STIM2: variants seen among roughly 807,000 people sequenced by gnomAD.
STIM2 encodes stromal interaction molecule 2.
STIM2 carries 31 observed loss-of-function variants against 85.8 expected under a neutral mutation model. The ratio of observed to expected loss-of-function variants is 0.36; its 90% CI spans 0.27 to 0.49. The LOEUF (loss-of-function observed/expected upper bound fraction) is 0.49, where lower values mean the gene tolerates loss of function less well. STIM2 is among the 20% of genes least tolerant of loss of function. The probability of loss-of-function intolerance (pLI) is 0.98; values close to 1 mark genes in which losing one functional copy is unlikely to be tolerated. For missense variants in STIM2, 841 were observed against 927.6 expected (o/e 0.91, Z 1.21); for synonymous variants, 356 against 331.1 (o/e 1.08, Z -0.82).
chr4:26,977,929 C>T lies in STIM2; in HGVS notation c.398-17450C>T, dbSNP rs375391552. Among the ~76,000 whole-genome samples, 18 of 152,204 alleles carry T rather than the reference C, an allele frequency of 1.2e-4. No homozygotes were observed. The East Asian group carries it at 1.9e-3, about 16-fold the overall frequency. ...AGCCAGGAGAATGTGGGGACCTAGA[C>T]GCTTAGTGAAGAAAGCATTTTAAGA... On this transcript the variant is annotated intron_variant, in intron 3 of 11. Coordinates refer to ENST00000467087, the MANE Select transcript of STIM2 (RefSeq NM_020860.4).
At chr4:26,974,478 A>G (rs540374767) in intron 3 of STIM2, among the ~76,000 whole-genome samples, 370 of 152,150 alleles carry the variant, frequency 2.4e-3, no homozygotes, top group Non-Finnish European at 3.7e-3. Context: ...AAAGGATTTT[A>G]TTTCTCCTTC....
At chr4:26,966,196 C>T (rs1726709814) in intron 3 of STIM2, among the ~76,000 whole-genome samples, 1 of 152,086 alleles carries the variant, frequency 6.6e-6, no homozygotes, top group Admixed American at 6.6e-5. Flanking sequence ...ATCTAGGAAA[C>T]AGTAGCCTTT....
At chr4:27,021,159 T>C (rs1200872667) in intron 11 of STIM2, 16 of 1,211,882 alleles carry the variant, frequency 1.3e-5, no homozygotes, top group Non-Finnish European at 1.9e-5. Flanking sequence ...AACACATTTT[T>C]ATGAAGTACC....
intron 3 of STIM2, among the ~76,000 whole-genome samples, chr4:26,966,021 ATTGT>A (rs1231059145): frequency 6.6e-6 from 1 of 152,090 alleles, no homozygotes; most frequent in South Asian, 2.1e-4. Context: ...CTATTCTAAG[ATTGT>A]TTGTGAGTTT....
At position 27,022,688 on chromosome 4, in the gene STIM2, G is replaced by A. The variant is rs763567286; in HGVS notation, c.1933G>A (p.Asp645Asn). 1 of 1,614,228 alleles carries A rather than the reference G, an allele frequency of 6.2e-7. No individual in the cohort carries two copies. Among genetic ancestry groups the A allele is most frequent in the South Asian group, 1.1e-5 (1 of 91,086 alleles). The change falls in exon 12 of 12, where the codon GAT (aspartate) becomes AAT (asparagine). Residue 645 changes from aspartate (D) to asparagine (N), a missense_variant. Coordinates refer to ENST00000467087, the MANE Select transcript of STIM2 (RefSeq NM_020860.4). Reference sequence around the variant, plus strand: ...CCGAGGGGATTCGCCTGTAACTGTGGATGTGTCTTGGGGTTCTCCCGACTG... The same window carrying A: ...CCGAGGGGATTCGCCTGTAACTGTGAATGTGTCTTGGGGTTCTCCCGACTG...
Position 27,002,199 on chromosome 4 carries a change from CTG to C in STIM2, c.626-16_626-15del, listed in dbSNP as rs751602705. 5.7e-6 allele frequency: 9 copies of C among 1,568,788 alleles called. No homozygotes were observed. The African/African-American group carries it at 1.1e-4, about 19-fold the overall frequency. ...CATACTCAAAGATTAATTTAATCAT[CTG>C]TAATTCTTTTAATAGGCCCACCTCA... On this transcript the variant is annotated splice_polypyrimidine_tract_variant and intron_variant, in intron 5 of 11. Transcript: ENST00000467087.
At chr4:26,939,054 G>A (rs373516113) in intron 2 of STIM2, among the ~76,000 whole-genome samples, 19 of 152,134 alleles carry the variant, frequency 1.2e-4, no homozygotes, top group Non-Finnish European at 2.2e-4. Flanking sequence ...AAACTTCTGG[G>A]TATTTAGTTC....
At position 26,923,069 on chromosome 4, in the gene STIM2, C is replaced by G. The variant is rs957074835; in HGVS notation, c.282+3435C>G. On this transcript the variant is annotated intron_variant, in intron 2 of 11. Coordinates refer to ENST00000467087, the MANE Select transcript of STIM2 (RefSeq NM_020860.4). Reference sequence around the variant, plus strand: ...GCCTCCTCAAGTGGGTCCCTGACCCCTGACCCCCGAGCAGCCTAACTGGGA... The same window carrying G: ...GCCTCCTCAAGTGGGTCCCTGACCCGTGACCCCCGAGCAGCCTAACTGGGA... 3.1e-4 allele frequency among the ~76,000 whole-genome samples: 47 copies of G among 151,548 alleles called. No individual in the cohort carries two copies. The East Asian group carries it at 9.0e-3, about 29-fold the overall frequency.
intron 2 of STIM2, among the ~76,000 whole-genome samples, chr4:26,940,796 A>G (rs1372000030): frequency 6.6e-6 from 1 of 152,186 alleles, no homozygotes; most frequent in Non-Finnish European, 1.5e-5. Flanking sequence ...TTAGAGCCCC[A>G]TAGTCCAGTG....
chr4:27,019,616 A>C (rs1728849484), intron 11 of STIM2: 1 of 542,284 alleles, frequency 1.8e-6, no homozygotes, highest in Admixed American at 2.8e-5. Flanking sequence ...CTTCCTCTTC[A>C]TTTTCAGTCT....
chr4:26,881,344 T>C lies in STIM2; in HGVS notation c.151+19975T>C, dbSNP rs74960407. Among the ~76,000 whole-genome samples, 6 of 152,088 alleles carry C rather than the reference T, an allele frequency of 3.9e-5. No individual in the cohort carries two copies. In the East Asian group the frequency reaches 9.7e-4, roughly 25 times the overall value. ...AGCCCGGTGTGGTGGTGCATGTCTGTAGTCCCAGCTACTTGGGAGGCTGAG... is the reference window on the plus strand; with the variant it reads ...AGCCCGGTGTGGTGGTGCATGTCTGCAGTCCCAGCTACTTGGGAGGCTGAG... On this transcript the variant is annotated intron_variant, in intron 1 of 11. Coordinates refer to ENST00000467087, the MANE Select transcript of STIM2 (RefSeq NM_020860.4).
chr4:27,012,407 A>G (rs1225824752), intron 10 of STIM2, among the ~76,000 whole-genome samples: 1 of 151,846 alleles, frequency 6.6e-6, no homozygotes, highest in Non-Finnish European at 1.5e-5. Context: ...TTTAAGTAAA[A>G]TTGATAATTT....
chr4:26,940,241 T>G (rs1725560838), intron 2 of STIM2, among the ~76,000 whole-genome samples: 2 of 152,310 alleles, frequency 1.3e-5, no homozygotes, highest in East Asian at 3.9e-4. Flanking sequence ...TGCTCTTGCC[T>G]TTCCTCCACC....
intron 10 of STIM2, 130 bp from the exon 11 acceptor site, chr4:27,017,581 G>A: frequency 8.6e-7 from 1 of 1,158,028 alleles, no homozygotes; most frequent in Non-Finnish European, 1.3e-6. Context: ...TAACTGTACA[G>A]TAACTTCAGT....
chr4:26,898,903 T>G (rs1271811567), intron 1 of STIM2, among the ~76,000 whole-genome samples: 2 of 152,164 alleles, frequency 1.3e-5, no homozygotes, highest in African/African-American at 4.8e-5. Context: ...TCTTTCTAAA[T>G]TCTTGTTAAT....
chr4:26,894,217 A>G (rs1211939110), intron 1 of STIM2, among the ~76,000 whole-genome samples: 1 of 152,116 alleles, frequency 6.6e-6, no homozygotes, highest in Non-Finnish European at 1.5e-5. Context: ...ATATTTGATC[A>G]CAATTGCAAT....
At chr4:26,977,329 T>G (rs75472032) in intron 3 of STIM2, among the ~76,000 whole-genome samples, 2,558 of 152,296 alleles carry the variant, frequency 0.017, 36 homozygotes, top group Non-Finnish European at 0.027. Context: ...TAGGACCTGG[T>G]AGGGCCAATA....
intron 10 of STIM2, among the ~76,000 whole-genome samples, chr4:27,011,918 A>G (rs11940777): frequency 1 from 152,296 of 152,296 alleles, 76,148 homozygotes; most frequent in Non-Finnish European, 1. Flanking sequence ...GTCTTTTTCA[A>G]CAGATGATAG....
intron 1 of STIM2, among the ~76,000 whole-genome samples, chr4:26,863,742 G>A (rs1722301885): frequency 1.3e-5 from 2 of 152,076 alleles, no homozygotes; most frequent in Non-Finnish European, 2.9e-5. Flanking sequence ...TAAACGTCAC[G>A]TGAATTTTGA....
Sources: gnomAD v4.1 joint callset for allele counts (sites outside exome capture counted in the v4.1 genomes callset) on GRCh38, gnomAD v4.1.1 for gene constraint, MANE v1.5 for transcripts, NCBI Gene and HGNC (gene_info 2026-07-23, HGNC 2026-07-21) for gene names.